Variants in HELZ observed in about 807,000 individuals in gnomAD.
HELZ encodes helicase with zinc finger.
In HELZ, 23 loss-of-function variants were observed where a neutral mutation model predicts 218.2. That is an observed-to-expected ratio of 0.11 (90% confidence interval 0.08 to 0.15). HELZ has a LOEUF of 0.15. Ranked by LOEUF, HELZ falls within the 10% of genes least tolerant of loss-of-function variation. The pLI is 1.00. For missense variants in HELZ, 1,813 were observed against 2,353.7 expected (o/e 0.77, Z 4.75); for synonymous variants, 814 against 829.4 (o/e 0.98, Z 0.32).
intron 5 of HELZ, among the ~76,000 whole-genome samples, chr17:67,215,192 G>C (rs1228739842): frequency 2.6e-5 from 4 of 152,028 alleles, no homozygotes; most frequent in African/African-American, 7.2e-5. Flanking sequence ...GAGCATTCTA[G>C]CTAGTCTCCT....
chr17:67,160,479 C>T, intron 16 of HELZ, 117 bp from the exon 17 acceptor site: 1 of 657,944 alleles, frequency 1.5e-6, no homozygotes, highest in Middle Eastern at 3.2e-4. Flanking sequence ...CCTTACCCTA[C>T]TCAGTAATCC....
intron 12 of HELZ, among the ~76,000 whole-genome samples, chr17:67,184,942 C>T (rs927411455): frequency 3.3e-5 from 5 of 152,038 alleles, no homozygotes; most frequent in South Asian, 4.1e-4. Context: ...ATAATATTTT[C>T]GAAACCATAT....
At chr17:67,148,437 A>G in intron 20 of HELZ, 132 bp downstream of exon 20, 1 of 683,526 alleles carries the variant, frequency 1.5e-6, no homozygotes, top group Non-Finnish European at 2.4e-6. Context: ...AAAATTAAAC[A>G]TAATTTGCAA....
chr17:67,077,412 C>A lies in HELZ; in HGVS notation c.*840G>T, dbSNP rs573556319. ...GAGAAAAAAAGAATTTTACTAAATT[C>A]ACGCATTTTTAAAATAGTTATCAAG... On this transcript the variant is annotated 3_prime_UTR_variant, in exon 33 of 33. Transcript: ENST00000358691. The A allele has an allele frequency of 6.6e-6, 1 of 152,166 alleles. No homozygotes were observed. Among genetic ancestry groups the A allele is most frequent in the Non-Finnish European group, 1.5e-5 (1 of 67,948 alleles). 9.4% of individuals were successfully genotyped at this position (152,166 alleles called of 1,614,324 possible).
intron 2 of HELZ, among the ~76,000 whole-genome samples, chr17:67,243,277 A>G (rs1407355128): frequency 6.6e-6 from 1 of 152,228 alleles, no homozygotes; most frequent in African/African-American, 2.4e-5. Flanking sequence ...TATTAAAGAG[A>G]AAAGTACTAC....
intron 32 of HELZ, among the ~76,000 whole-genome samples, 196 bp downstream of exon 32, chr17:67,086,631 AAT>A (rs71139116): frequency 0.022 from 2,053 of 93,182 alleles, 34 homozygotes; most frequent in Middle Eastern, 0.032. Flanking sequence ...TATAAATATA[AAT>A]ATATATATAT....
intron 5 of HELZ, 110 bp from the exon 6 acceptor site, chr17:67,203,553 T>A: frequency 8.2e-7 from 1 of 1,223,638 alleles, no homozygotes; most frequent in Non-Finnish European, 1.2e-6. Context: ...GCTAAAAGAG[T>A]AACTTCAAAT....
At chr17:67,082,850 T>C in intron 32 of HELZ, among the ~76,000 whole-genome samples, 1 of 150,922 alleles carries the variant, frequency 6.6e-6, no homozygotes, top group Non-Finnish European at 1.5e-5. Context: ...TTTAACTGTT[T>C]TTTTTTTTTG....
At chr17:67,237,602 C>T (rs1178146169) in intron 3 of HELZ, among the ~76,000 whole-genome samples, 1 of 152,048 alleles carries the variant, frequency 6.6e-6, no homozygotes, top group East Asian at 1.9e-4. Context: ...GCTAAAAAGT[C>T]CAGCTTAAAC....
intron 31 of HELZ, among the ~76,000 whole-genome samples, chr17:67,089,443 TAATCACTCAGTTGAC>T (rs1198688620): frequency 6.6e-6 from 1 of 151,870 alleles, no homozygotes; most frequent in Non-Finnish European, 1.5e-5. Context: ...AAATCCAAAA[TAATCACTCAGTTGAC>T]ATGCACAGCA....
Position 67,188,236 on chromosome 17 carries a change from T to C in HELZ, c.1162+83A>G, listed in dbSNP as rs1404353389. ...TTTATTACTATTCTCTTCCTATCCA[T>C]GGAATATATTCAGGGGCCAATACAT... is the stretch of plus-strand genomic sequence containing the variant. On this transcript the variant is annotated intron_variant, in intron 12 of 32. Transcript: ENST00000358691. The surrounding 1 kb of genome is among the most constrained non-coding windows in gnomAD (Gnocchi z 4.1). 3.2e-6 allele frequency: 4 copies of C among 1,258,632 alleles called. No individual in the cohort carries two copies. The highest frequency in any genetic ancestry group is 1.5e-5 in the South Asian group (1 of 68,814). 78.0% of individuals were successfully genotyped at this position (1,258,632 alleles called of 1,614,324 possible).
In HELZ at chr17:67,087,022, A is replaced by G; in HGVS notation, c.5301T>C (p.Val1767=). ...TGCTTACTTCTTCAGAACAAGGTTG[A>G]ACTGAGCTAGATGAGATTCTTCTTT... ...LYQRRISSSS[V]QPCSEEVSTP... The change falls in exon 32 of 33, where the codon GTT becomes GTC. Residue 1767 remains valine (V), a synonymous_variant. Transcript: ENST00000358691. 1.2e-6 allele frequency: 2 copies of G among 1,614,004 alleles called. No individual in the cohort carries two copies.
rs1351025020 is a variant in HELZ at position 67,217,271 on chromosome 17, C to T, written c.210+1324G>A. The stretch of plus-strand genomic sequence containing the variant: ...CAAAAAGTATCGAGGTAAGTAACTG[C>T]GACTGCTCCCCCTCATTCCCTGCAT... On this transcript the variant is annotated intron_variant, in intron 4 of 32. Coordinates refer to ENST00000358691, the MANE Select transcript of HELZ (RefSeq NM_014877.4). Among the ~76,000 whole-genome samples the T allele has an allele frequency of 3.3e-5, 5 of 152,138 alleles. No individual in the cohort carries two copies. The South Asian group carries it at 6.2e-4, about 19-fold the overall frequency.
At chr17:67,243,207 T>C (rs1055934740) in intron 2 of HELZ, among the ~76,000 whole-genome samples, 4 of 152,208 alleles carry the variant, frequency 2.6e-5, no homozygotes, top group Non-Finnish European at 4.4e-5. Flanking sequence ...AATGACAAAC[T>C]AGTCTATTTC....
intron 17 of HELZ, among the ~76,000 whole-genome samples, chr17:67,156,092 G>T (rs2038834543): frequency 6.7e-6 from 1 of 150,080 alleles, no homozygotes; most frequent in Non-Finnish European, 1.5e-5. Flanking sequence ...AAATTCCCTT[G>T]GGAATGATAT....
In HELZ at chr17:67,074,518, G is replaced by C; in HGVS notation, c.*3734C>G. 6.6e-6 allele frequency: 1 copy of C among 152,036 alleles called. No individual in the cohort carries two copies. The highest frequency in any genetic ancestry group is 1.9e-4 in the East Asian group (1 of 5,206). 9.4% of individuals were successfully genotyped at this position (152,036 alleles called of 1,614,324 possible). A position where few individuals can be genotyped will look rare whatever the true frequency, so the allele number is the denominator to read the frequency against. The stretch of plus-strand genomic sequence containing the variant: ...CACACCCTGACTCTTAACAAAGGTG[G>C]CTCGCTCTAGCTAAGGGGGCTAGAG... On this transcript the variant is annotated 3_prime_UTR_variant, in exon 33 of 33. Coordinates refer to ENST00000358691, the MANE Select transcript of HELZ (RefSeq NM_014877.4).
At chr17:67,092,373 C>A (rs189950500) in intron 31 of HELZ, among the ~76,000 whole-genome samples, 1 of 152,120 alleles carries the variant, frequency 6.6e-6, no homozygotes, top group East Asian at 1.9e-4. Context: ...TAGCAGAATT[C>A]CACAGAGGCT....
rs1035981645 is a variant in HELZ, at chr17:67,077,868, T to G, written c.*384A>C. 1 of 153,440 alleles carries G rather than the reference T, an allele frequency of 6.5e-6. No homozygotes were observed. Among genetic ancestry groups the G allele is most frequent in the African/African-American group, 2.4e-5 (1 of 41,462 alleles). The allele number at this position is 153,440 out of a possible 1,614,324, so 9.5% of individuals were successfully genotyped here. ...AGAAACCCAGCATGTGGTAATATTA[T>G]TGAATAAATGTAAATGCTACTTACA... On this transcript the variant is annotated 3_prime_UTR_variant, in exon 33 of 33. Transcript: ENST00000358691.
In HELZ at chr17:67,072,446, T is replaced by C. The variant is rs989000633; in HGVS notation, c.*5806A>G. ...GGGACTCCTGCACTTAGTGCCTCGA[T>C]ACATGCTAGGTGCACTCTCATGGCA... On this transcript the variant is annotated 3_prime_UTR_variant, in exon 33 of 33. Coordinates refer to ENST00000358691, the MANE Select transcript of HELZ (RefSeq NM_014877.4). 4 of 152,692 alleles carry C rather than the reference T, an allele frequency of 2.6e-5. No individual in the cohort carries two copies. The highest frequency in any genetic ancestry group is 7.2e-5 in the African/African-American group (3 of 41,456). 9.5% of individuals were successfully genotyped at this position (152,692 alleles called of 1,614,324 possible).
Sources: allele counts gnomAD v4.1 joint callset (sites outside exome capture counted in the v4.1 genomes callset), GRCh38; gene constraint gnomAD v4.1.1; non-coding constraint Gnocchi (gnomAD v3.1); transcripts MANE v1.5; gene names NCBI Gene and HGNC (gene_info 2026-07-23, HGNC 2026-07-21).